LHX8: variants seen among roughly 807,000 people sequenced by gnomAD.
LHX8 encodes the protein LIM/homeobox protein Lhx8.
A neutral mutation model predicts 40.3 loss-of-function variants in LHX8; 12 were observed. That is an observed-to-expected ratio of 0.30 (90% confidence interval 0.19 to 0.48). The LOEUF (loss-of-function observed/expected upper bound fraction) is 0.48. LHX8 is among the 20% of genes least tolerant of loss of function. The pLI is 0.99. For missense variants in LHX8, 344 were observed against 433.7 expected (o/e 0.79, Z 1.84); for synonymous variants, 179 against 162.0 (o/e 1.10, Z -0.80).
At chr1:75,198,504 T>C in the LHX8 span, among the ~76,000 whole-genome samples, 2 of 152,158 alleles carry the variant, frequency 1.3e-5, no homozygotes, top group African/African-American at 4.8e-5. Flanking sequence ...CTTGCTTCAG[T>C]TGTCAGTTGA....
chr1:75,171,777 C>T, the LHX8 span, among the ~76,000 whole-genome samples: 1 of 152,150 alleles, frequency 6.6e-6, no homozygotes, highest in Non-Finnish European at 1.5e-5. Context: ...TTTCTCTTGC[C>T]TTCCCTTCTT....
intron 1 of LHX8, among the ~76,000 whole-genome samples, chr1:75,135,616 A>T (rs1648100363): frequency 6.6e-6 from 1 of 152,154 alleles, no homozygotes; most frequent in Non-Finnish European, 1.5e-5. Context: ...CGGGGTACCC[A>T]CCCGCCCCCG....
intron 7 of LHX8, among the ~76,000 whole-genome samples, chr1:75,150,293 T>C (rs1162066175): frequency 2.0e-5 from 3 of 152,208 alleles, no homozygotes; most frequent in African/African-American, 7.2e-5. Flanking sequence ...AATGGTGCCA[T>C]TGACAGGAAT....
chr1:75,184,376 G>T, the LHX8 span, among the ~76,000 whole-genome samples: 18 of 151,968 alleles, frequency 1.2e-4, no homozygotes, highest in African/African-American at 4.3e-4. Context: ...AGATATAAAA[G>T]AATCCTTAGC....
intron 1 of LHX8, 128 bp from the exon 2 acceptor site, chr1:75,136,475 G>T (rs948112942): frequency 1.7e-5 from 11 of 638,152 alleles, no homozygotes; most frequent in African/African-American, 5.7e-5. Context: ...GCGCCGTGAC[G>T]GCTGCACGCG....
the LHX8 span, among the ~76,000 whole-genome samples, chr1:75,170,206 A>G: frequency 6.6e-6 from 1 of 152,162 alleles, no homozygotes; most frequent in East Asian, 1.9e-4. Flanking sequence ...GAACCTGTGG[A>G]TTTTAGACCA....
At chr1:75,180,434 T>C in the LHX8 span, among the ~76,000 whole-genome samples, 1 of 152,222 alleles carries the variant, frequency 6.6e-6, no homozygotes, top group African/African-American at 2.4e-5. Context: ...CTTCATTTCA[T>C]TAATTTGATC....
At chr1:75,155,023 A>T (rs1190667963) in intron 7 of LHX8, among the ~76,000 whole-genome samples, 1 of 152,014 alleles carries the variant, frequency 6.6e-6, no homozygotes, top group East Asian at 1.9e-4. Context: ...ATTTCACATT[A>T]ATCAGCCCTG....
chr1:75,134,820 A>AT lies in LHX8; in HGVS notation c.-147_-146insT. The AT allele has an allele frequency of 2.5e-6, 1 of 401,558 alleles. No individual in the cohort carries two copies. Among genetic ancestry groups the AT allele is most frequent in the Non-Finnish European group, 3.1e-6 (1 of 322,842 alleles). The allele number at this position is 401,558 out of a possible 1,614,324, so 24.9% of individuals were successfully genotyped here. The stretch of plus-strand genomic sequence containing the variant: ...TAACGGCCTCATCTTCAGACCTGGC[A>AT]ATTTTTTTTTTTTATTACGTAGTAG... On this transcript the variant is annotated 5_prime_UTR_variant, in exon 1 of 9. Coordinates refer to ENST00000356261, the MANE Select transcript of LHX8 (RefSeq NM_001256114.2).
chr1:75,177,420 T>C, the LHX8 span, among the ~76,000 whole-genome samples: 14,702 of 152,254 alleles, frequency 0.097, 1,043 homozygotes, highest in African/African-American at 0.19. Context: ...CTAGGTATTT[T>C]ATTCTCTTTG....
chr1:75,143,107 A>T lies in LHX8; in HGVS notation c.360-11A>T. 1 of 1,603,718 alleles carries T rather than the reference A, an allele frequency of 6.2e-7. No individual in the cohort carries two copies. The highest frequency in any genetic ancestry group is 1.3e-5 in the African/African-American group (1 of 74,778). On this transcript the variant is annotated splice_polypyrimidine_tract_variant and intron_variant, in intron 4 of 8. Transcript: ENST00000356261. ...TAAAATATTTACCTTCCACACCTCTATTTAATGTAGAAGGTATGGAACTCG... is the reference window on the plus strand; with the variant it reads ...TAAAATATTTACCTTCCACACCTCTTTTTAATGTAGAAGGTATGGAACTCG...
chr1:75,167,286 C>T, the LHX8 span, among the ~76,000 whole-genome samples: 1 of 152,178 alleles, frequency 6.6e-6, no homozygotes, highest in African/African-American at 2.4e-5. Context: ...GCAAAATGGA[C>T]TAATAATAGC....
chr1:75,179,565 T>A, the LHX8 span, among the ~76,000 whole-genome samples: 7 of 151,680 alleles, frequency 4.6e-5, no homozygotes, highest in Admixed American at 3.9e-4. Flanking sequence ...ATCCCTTTAT[T>A]TTGAGCGTAT....
the LHX8 span, among the ~76,000 whole-genome samples, chr1:75,168,316 G>A: frequency 9.2e-5 from 14 of 151,938 alleles, no homozygotes; most frequent in Admixed American, 7.9e-4. Flanking sequence ...TCTGCCTCCT[G>A]GGTTCAAACT....
At position 75,161,443 on chromosome 1, in the gene LHX8, T is replaced by A. The variant is rs1648916570; in HGVS notation, c.*548T>A. ...TGCAAACACATTATTGTGTTTGTGG[T>A]TGATGAATTATGGCTGTAAATAACA... On this transcript the variant is annotated 3_prime_UTR_variant, in exon 9 of 9. Coordinates refer to ENST00000356261, the MANE Select transcript of LHX8 (RefSeq NM_001256114.2). The A allele has an allele frequency of 1.3e-5, 2 of 155,032 alleles. No individual in the cohort carries two copies. Among genetic ancestry groups the A allele is most frequent in the Non-Finnish European group, 2.9e-5 (2 of 69,750 alleles). The allele number at this position is 155,032 out of a possible 1,614,324, so 9.6% of individuals were successfully genotyped here.
intron 6 of LHX8, among the ~76,000 whole-genome samples, chr1:75,148,312 TGAAAGAAAA>T (rs1648517568): frequency 6.6e-6 from 1 of 152,230 alleles, no homozygotes; most frequent in Non-Finnish European, 1.5e-5. Flanking sequence ...GTTATAAGAT[TGAAAGAAAA>T]GAAAAGGTGA....
intron 7 of LHX8, among the ~76,000 whole-genome samples, chr1:75,155,303 T>C (rs138942670): frequency 0.017 from 2,542 of 149,666 alleles, 25 homozygotes; most frequent in Middle Eastern, 0.042. Flanking sequence ...GGCATGATCT[T>C]GGCTCACTGC....
At position 75,157,073 on chromosome 1, in the gene LHX8, G is replaced by A. The variant is rs951512258; in HGVS notation, c.961G>A (p.Asp321Asn). Reference protein sequence around the residue: ...TMLTALHSYMDAHSPTTLGLQ... With the variant: ...TMLTALHSYMNAHSPTTLGLQ... The stretch of plus-strand genomic sequence containing the variant: ...GTTAACTGCGCTGCATAGTTATATG[G>A]ATGGTAGGTATCCCAACATTTAACA... The change falls in exon 8 of 9, where the codon GAT becomes AAT. Residue 321 changes from aspartate to asparagine, a missense_variant. By Grantham distance (23) the Asp-to-Asn change is conservative (BLOSUM62 1). Coordinates refer to ENST00000356261, the MANE Select transcript of LHX8 (RefSeq NM_001256114.2). The A allele has an allele frequency of 2.5e-6, 4 of 1,614,006 alleles. No individual in the cohort carries two copies. The African/African-American group carries it at 5.3e-5, about 22-fold the overall frequency.
At chr1:75,146,020 G>T (rs1373134943) in intron 6 of LHX8, among the ~76,000 whole-genome samples, 1 of 152,044 alleles carries the variant, frequency 6.6e-6, no homozygotes, top group East Asian at 1.9e-4. Flanking sequence ...AAACAAATGA[G>T]ATACAATCTT....
Sources: allele counts gnomAD v4.1 joint callset (sites outside exome capture counted in the v4.1 genomes callset), GRCh38; gene constraint gnomAD v4.1.1; transcripts MANE v1.5; gene names NCBI Gene and HGNC (gene_info 2026-07-23, HGNC 2026-07-21).